Variants in COG5 observed in about 807,000 individuals in gnomAD.
The protein encoded by COG5 is component of oligomeric golgi complex 5, also known as conserved oligomeric Golgi complex subunit 5.
Under a neutral mutation model 110.4 loss-of-function variants are expected in COG5, and 86 were observed. The observed-to-expected ratio is 0.78, with a 90% CI of 0.65 to 0.93. The LOEUF is 0.93. Ranked by LOEUF, COG5 falls within the 40% of genes least tolerant of loss-of-function variation. COG5 has a pLI of 0.00. For missense variants in COG5, 1,077 were observed against 987.0 expected (o/e 1.09, Z -1.22); for synonymous variants, 360 against 334.6 (o/e 1.08, Z -0.83).
At chr7:107,471,134 C>G (rs1295306945) in intron 6 of COG5, among the ~76,000 whole-genome samples, 2 of 151,910 alleles carry the variant, frequency 1.3e-5, no homozygotes, top group Non-Finnish European at 2.9e-5. Context: ...TTTTCTCTCA[C>G]AATTGTATTT....
intron 6 of COG5, among the ~76,000 whole-genome samples, chr7:107,449,514 T>C (rs1220671209): frequency 6.6e-6 from 1 of 152,228 alleles, no homozygotes; most frequent in Non-Finnish European, 1.5e-5. Context: ...TCTCTAGTAT[T>C]GTGTTATCAC....
At chr7:107,335,619 G>T (rs988543693) in intron 10 of COG5, among the ~76,000 whole-genome samples, 2 of 152,116 alleles carry the variant, frequency 1.3e-5, no homozygotes, top group Admixed American at 6.5e-5. Context: ...TTACTTATTA[G>T]TAATAACAGC....
At chr7:107,408,614 T>C (rs531423334) in intron 7 of COG5, among the ~76,000 whole-genome samples, 3 of 152,374 alleles carry the variant, frequency 2.0e-5, no homozygotes, top group East Asian at 3.9e-4. Flanking sequence ...GTACTTTTCC[T>C]ACTTCTGTTG....
At chr7:107,268,011 C>T (rs2116696950) in intron 14 of COG5, among the ~76,000 whole-genome samples, 1 of 152,238 alleles carries the variant, frequency 6.6e-6, no homozygotes, top group East Asian at 1.9e-4. Context: ...TCTTGTTGCC[C>T]AGGCTGAAGT....
At chr7:107,485,139 T>G (rs1366112760) in intron 6 of COG5, among the ~76,000 whole-genome samples, 2 of 152,176 alleles carry the variant, frequency 1.3e-5, no homozygotes, top group Non-Finnish European at 2.9e-5. Flanking sequence ...AATGGTTAAG[T>G]GCAGAACAAA....
At chr7:107,555,508 G>A (rs905123293) in intron 2 of COG5, among the ~76,000 whole-genome samples, 13 of 152,076 alleles carry the variant, frequency 8.5e-5, no homozygotes, top group African/African-American at 1.2e-4. Flanking sequence ...TCTTTTATTC[G>A]TAAGGTTGCC....
intron 10 of COG5, among the ~76,000 whole-genome samples, chr7:107,353,974 G>T (rs1460368011): frequency 6.6e-6 from 1 of 152,072 alleles, no homozygotes; most frequent in Admixed American, 6.5e-5. Flanking sequence ...GGCATATTTG[G>T]AGGATTACAT....
At chr7:107,273,596 G>A (rs1182796469) in intron 14 of COG5, among the ~76,000 whole-genome samples, 5 of 152,156 alleles carry the variant, frequency 3.3e-5, no homozygotes, top group African/African-American at 1.2e-4. Context: ...TCCTCTCAAT[G>A]AGAACATCTG....
At chr7:107,469,813 A>T (rs572047038) in intron 6 of COG5, among the ~76,000 whole-genome samples, 1 of 152,144 alleles carries the variant, frequency 6.6e-6, no homozygotes, top group South Asian at 2.1e-4. Context: ...GGCATAAGTG[A>T]CCAACAAACC....
At chr7:107,355,233 G>A (rs1455209548) in intron 10 of COG5, among the ~76,000 whole-genome samples, 1 of 152,108 alleles carries the variant, frequency 6.6e-6, no homozygotes, top group Non-Finnish European at 1.5e-5. Flanking sequence ...ACACCTATTA[G>A]AATAGCCGAT....
intron 6 of COG5, 102 bp from the exon 7 acceptor site, chr7:107,412,734 CTAT>C: frequency 1.3e-6 from 1 of 747,808 alleles, no homozygotes; most frequent in Admixed American, 2.9e-5. Flanking sequence ...ACAAAAAACG[CTAT>C]TAAACAGGGT....
intron 14 of COG5, among the ~76,000 whole-genome samples, chr7:107,271,352 C>G (rs900739929): frequency 6.6e-6 from 1 of 152,092 alleles, no homozygotes; most frequent in African/African-American, 2.4e-5. Flanking sequence ...GGAATTACAT[C>G]AAATCTACAG....
At chr7:107,265,882 C>G (rs748314144) in intron 14 of COG5, among the ~76,000 whole-genome samples, 1 of 152,008 alleles carries the variant, frequency 6.6e-6, no homozygotes, top group Non-Finnish European at 1.5e-5. Context: ...TAGTGAGACC[C>G]TGTCTCTACA....
At chr7:107,501,500 C>A (rs959520144) in intron 6 of COG5, among the ~76,000 whole-genome samples, 1 of 151,756 alleles carries the variant, frequency 6.6e-6, no homozygotes, top group African/African-American at 2.4e-5. Context: ...TTAAAATGTA[C>A]GAAAAACAAC....
intron 6 of COG5, among the ~76,000 whole-genome samples, chr7:107,466,301 T>C (rs1405605212): frequency 6.6e-6 from 1 of 152,078 alleles, no homozygotes; most frequent in East Asian, 1.9e-4. Context: ...ATTGTAATAA[T>C]AGTCACAGGA....
chr7:107,438,828 T>C (rs1159876531), intron 6 of COG5, among the ~76,000 whole-genome samples: 1 of 152,196 alleles, frequency 6.6e-6, no homozygotes, highest in East Asian at 1.9e-4. Flanking sequence ...AATAAATTCA[T>C]ACCTTCTTGT....
chr7:107,416,726 C>T (rs376545590), intron 6 of COG5, among the ~76,000 whole-genome samples: 1 of 151,998 alleles, frequency 6.6e-6, no homozygotes, highest in East Asian at 1.9e-4. Context: ...GTCAAATAGA[C>T]ATGGATAATA....
chr7:107,274,117 C>T (rs1486515680), intron 14 of COG5, among the ~76,000 whole-genome samples: 2 of 152,034 alleles, frequency 1.3e-5, no homozygotes, highest in South Asian at 2.1e-4. Flanking sequence ...AAGTAGGGAG[C>T]GTCCATCTTT....
At chr7:107,250,273 GCTAA>G (rs1249820757) in intron 16 of COG5, among the ~76,000 whole-genome samples, 1 of 152,102 alleles carries the variant, frequency 6.6e-6, no homozygotes, top group Non-Finnish European at 1.5e-5. Flanking sequence ...CGAGTCTTCA[GCTAA>G]CTATCAGTAA....
Sources: gnomAD v4.1 joint callset for allele counts (sites outside exome capture counted in the v4.1 genomes callset) on GRCh38, gnomAD v4.1.1 for gene constraint, MANE v1.5 for transcripts, NCBI Gene and HGNC (gene_info 2026-07-23, HGNC 2026-07-21) for gene names.